The following MSRA variants were observed in gnomAD, a reference collection of about 807,000 sequenced individuals.
MSRA encodes mitochondrial peptide methionine sulfoxide reductase.
MSRA carries 54 observed loss-of-function variants against 31.3 expected under a neutral mutation model. The observed-to-expected ratio is 1.73, with a 90% CI of 1.39 to 2.17. The LOEUF (loss-of-function observed/expected upper bound fraction) is 2.17, where lower values mean the gene tolerates loss of function less well. Among genes scored for constraint, MSRA ranks in the 30% most tolerant of loss-of-function variants. The pLI, the probability that MSRA is intolerant of heterozygous loss-of-function variation, is 0.00. For synonymous variants in MSRA, 169 were observed against 116.5 expected (o/e 1.45, Z -2.90); for missense variants, 507 against 300.9 (o/e 1.69, Z -5.07).
At chr8:10,351,681 G>C (rs139071542) in intron 5 of MSRA, among the ~76,000 whole-genome samples, 2 of 152,338 alleles carry the variant, frequency 1.3e-5, no homozygotes, top group East Asian at 3.9e-4. Context: ...TTTAGACAGT[G>C]CCACCTGTAA....
At chr8:10,321,797 G>A (rs1396064728) in intron 5 of MSRA, among the ~76,000 whole-genome samples, 4 of 152,186 alleles carry the variant, frequency 2.6e-5, no homozygotes, top group East Asian at 1.9e-4. Flanking sequence ...AGTGAGCTTC[G>A]AATCCCCTCA....
At chr8:10,397,660 C>T (rs1188867300) in intron 5 of MSRA, among the ~76,000 whole-genome samples, 1 of 152,212 alleles carries the variant, frequency 6.6e-6, no homozygotes, top group Non-Finnish European at 1.5e-5. Flanking sequence ...GGAAGACTCT[C>T]TGCAAGTGAA....
chr8:10,224,152 A>G (rs942838574), intron 2 of MSRA, among the ~76,000 whole-genome samples: 4 of 152,208 alleles, frequency 2.6e-5, no homozygotes, highest in Admixed American at 6.5e-5. Flanking sequence ...CCCTTAACAG[A>G]TAGTAGCTTC....
At chr8:10,065,945 T>C (rs1484371960) in intron 1 of MSRA, among the ~76,000 whole-genome samples, 1 of 151,316 alleles carries the variant, frequency 6.6e-6, no homozygotes, top group African/African-American at 2.4e-5. Flanking sequence ...TCCTCCTGGC[T>C]TCAGGGCCTT....
At chr8:10,111,234 T>A (rs1327917604) in intron 1 of MSRA, among the ~76,000 whole-genome samples, 1 of 152,156 alleles carries the variant, frequency 6.6e-6, no homozygotes, top group African/African-American at 2.4e-5. Context: ...GTATGGAGAA[T>A]GATGTCAAAC....
intron 2 of MSRA, among the ~76,000 whole-genome samples, chr8:10,239,351 G>A (rs961801122): frequency 1.3e-5 from 2 of 152,112 alleles, no homozygotes; most frequent in East Asian, 1.9e-4. Flanking sequence ...TAGGAGAGAC[G>A]GGGTTTCACC....
chr8:10,162,615 A>G (rs1804762346), intron 1 of MSRA, among the ~76,000 whole-genome samples: 1 of 151,986 alleles, frequency 6.6e-6, no homozygotes, highest in Non-Finnish European at 1.5e-5. Flanking sequence ...CACAGGGGAA[A>G]CCCGTAGCTC....
intron 5 of MSRA, among the ~76,000 whole-genome samples, chr8:10,349,869 T>C (rs1257069938): frequency 6.6e-6 from 1 of 152,214 alleles, no homozygotes; most frequent in African/African-American, 2.4e-5. Flanking sequence ...GCTGCTAGCA[T>C]GTTGGAGCCC....
At chr8:10,079,246 C>T (rs1585102105) in intron 1 of MSRA, among the ~76,000 whole-genome samples, 1 of 152,186 alleles carries the variant, frequency 6.6e-6, no homozygotes, top group East Asian at 1.9e-4. Context: ...GCAGCCTCGA[C>T]ATCCTGGGCT....
intron 5 of MSRA, among the ~76,000 whole-genome samples, chr8:10,400,309 T>G (rs1046977451): frequency 6.6e-6 from 1 of 150,376 alleles, no homozygotes; most frequent in Admixed American, 6.6e-5. Flanking sequence ...AAGAAAAAAA[T>G]AAATCAGAGA....
At chr8:10,220,816 C>A (rs1810427074) in intron 2 of MSRA, among the ~76,000 whole-genome samples, 1 of 152,286 alleles carries the variant, frequency 6.6e-6, no homozygotes, top group Non-Finnish European at 1.5e-5. Context: ...TGGGCACTCA[C>A]ATTGGGAAGC....
At chr8:10,122,688 C>A (rs1419429962) in intron 1 of MSRA, among the ~76,000 whole-genome samples, 2 of 151,810 alleles carry the variant, frequency 1.3e-5, no homozygotes, top group African/African-American at 2.4e-5. Context: ...CTTCCTCCTG[C>A]CCTCTACACT....
chr8:10,183,922 G>A (rs1311477748), intron 1 of MSRA, among the ~76,000 whole-genome samples: 2 of 149,276 alleles, frequency 1.3e-5, no homozygotes, highest in East Asian at 4.0e-4. Flanking sequence ...GATGGTCTTG[G>A]TGGTCTTGGT....
At position 10,073,430 on chromosome 8, in the gene MSRA, C is replaced by T. The variant is rs533718517; in HGVS notation, c.142+18772C>T. ...TGCGTTCTCAGTGTAACACCAGAAT[C>T]GAGTAGTTGTGATAGTGACCATATG... On this transcript the variant is annotated intron_variant, in intron 1 of 5. Transcript: ENST00000317173. 6.6e-4 allele frequency among the ~76,000 whole-genome samples: 100 copies of T among 152,236 alleles called. 1 individual carries two copies. Among genetic ancestry groups the T allele is most frequent in the African/African-American group, 2.0e-3 (85 of 41,546 alleles).
chr8:10,423,360 G>A (rs1009327670), intron 5 of MSRA, among the ~76,000 whole-genome samples: 2 of 152,160 alleles, frequency 1.3e-5, no homozygotes, highest in South Asian at 2.1e-4. Flanking sequence ...TCAGTAACAC[G>A]CTACCTAGGA....
chr8:10,261,382 T>C (rs1435852529), intron 3 of MSRA, among the ~76,000 whole-genome samples: 1 of 110,940 alleles, frequency 9.0e-6, no homozygotes, highest in East Asian at 3.8e-4. Context: ...GTATATAATC[T>C]GTTACTTAAA....
At chr8:10,060,516 ACTTG>A (rs1465253965) in intron 1 of MSRA, among the ~76,000 whole-genome samples, 3 of 152,120 alleles carry the variant, frequency 2.0e-5, no homozygotes, top group African/African-American at 4.8e-5. Flanking sequence ...CTTTTTTGTA[ACTTG>A]CTTCTTGTAA....
intron 5 of MSRA, among the ~76,000 whole-genome samples, chr8:10,423,703 C>G (rs1484775922): frequency 6.6e-6 from 1 of 152,208 alleles, no homozygotes; most frequent in East Asian, 1.9e-4. Context: ...GGGCCACCAT[C>G]TAAAGACTGA....
At chr8:10,424,179 G>A (rs1169300433) in intron 5 of MSRA, among the ~76,000 whole-genome samples, 1 of 152,224 alleles carries the variant, frequency 6.6e-6, no homozygotes. Context: ...CGATGGAAAA[G>A]AGGAAAGGAC....
Sources: gnomAD v4.1 joint callset for allele counts (sites outside exome capture counted in the v4.1 genomes callset) on GRCh38, gnomAD v4.1.1 for gene constraint, MANE v1.5 for transcripts, NCBI Gene and HGNC (gene_info 2026-07-23, HGNC 2026-07-21) for gene names.